SGK1: variants seen among roughly 807,000 people sequenced by gnomAD.
SGK1 encodes serine/threonine-protein kinase Sgk1.
Under a neutral mutation model 64.2 loss-of-function variants are expected in SGK1, and 26 were observed. The observed-to-expected ratio is 0.40, with a 90% confidence interval of 0.30 to 0.56. The LOEUF is 0.56. Ranked by LOEUF, SGK1 falls within the 20% of genes least tolerant of loss-of-function variation. The pLI is 0.38. For missense variants in SGK1, 519 were observed against 645.6 expected, an observed-to-expected ratio of 0.80 and a Z score of 2.12; for synonymous variants, 265 against 239.7, an observed-to-expected ratio of 1.11 and a Z score of -0.98.
chr6:134,273,673 A>G (rs1477732620), intron 1 of SGK1, among the ~76,000 whole-genome samples: 1 of 145,678 alleles, frequency 6.9e-6, no homozygotes, highest in Admixed American at 6.9e-5. Flanking sequence ...TATTTCTAGT[A>G]GAGGGGATGG....
At chr6:134,178,966 A>G (rs1035482131) in intron 3 of SGK1, among the ~76,000 whole-genome samples, 31 of 150,016 alleles carry the variant, frequency 2.1e-4, no homozygotes, top group African/African-American at 7.3e-4. Flanking sequence ...TTCAGAAAAA[A>G]TTTTTTCACT....
intron 1 of SGK1, among the ~76,000 whole-genome samples, chr6:134,306,876 G>A: frequency 7.3e-6 from 1 of 136,170 alleles, no homozygotes; most frequent in Non-Finnish European, 1.5e-5. Context: ...CTCAATTCAT[G>A]TTGGCTGTTG....
intron 1 of SGK1, among the ~76,000 whole-genome samples, chr6:134,307,844 T>C (rs148005821): frequency 9.2e-5 from 14 of 152,316 alleles, no homozygotes; most frequent in Non-Finnish European, 1.9e-4. Flanking sequence ...CACCAAGTAA[T>C]GATATCATAA....
chr6:134,201,283 A>G (rs974896727), intron 3 of SGK1, among the ~76,000 whole-genome samples: 10 of 151,978 alleles, frequency 6.6e-5, no homozygotes, highest in African/African-American at 2.4e-4. Flanking sequence ...GATGGTCTCC[A>G]TCTCCTGACC....
intron 3 of SGK1, chr6:134,177,710 C>G: frequency 6.2e-7 from 1 of 1,613,838 alleles, no homozygotes; most frequent in South Asian, 1.1e-5. Context: ...TCGGGTTGCC[C>G]AAGGATATGC....
intron 3 of SGK1, among the ~76,000 whole-genome samples, chr6:134,194,804 T>C (rs1334046236): frequency 6.6e-6 from 1 of 152,224 alleles, no homozygotes; most frequent in Non-Finnish European, 1.5e-5. Context: ...ATTACAGGCG[T>C]GAACCACTGC....
chr6:134,175,411 C>T (rs536173768), intron 3 of SGK1: 9 of 1,300,964 alleles, frequency 6.9e-6, no homozygotes, highest in Admixed American at 4.1e-5. Flanking sequence ...CGCGCGCGAC[C>T]TCGCCCGCCA....
chr6:134,302,213 C>T (rs1161289820), intron 1 of SGK1, among the ~76,000 whole-genome samples: 1 of 152,162 alleles, frequency 6.6e-6, no homozygotes, highest in Non-Finnish European at 1.5e-5. Flanking sequence ...ACTAATTATA[C>T]ATTGGACATA....
chr6:134,283,219 G>C (rs7768333), intron 1 of SGK1: 2 of 151,618 alleles, frequency 1.3e-5, no homozygotes, highest in Non-Finnish European at 2.9e-5. Flanking sequence ...GGCTGGGTGC[G>C]GTGGCTCACA....
intron 1 of SGK1, among the ~76,000 whole-genome samples, chr6:134,289,714 C>G (rs559968992): frequency 6.6e-6 from 1 of 152,074 alleles, no homozygotes; most frequent in Non-Finnish European, 1.5e-5. Context: ...TAGCTGGTGG[C>G]TACCACATCA....
chr6:134,215,973 G>A (rs573645640), intron 2 of SGK1, among the ~76,000 whole-genome samples: 4 of 152,122 alleles, frequency 2.6e-5, no homozygotes, highest in East Asian at 1.9e-4. Context: ...TTGAGATCGC[G>A]CCACTGCACT....
At chr6:134,189,225 T>TGTGC (rs755941031) in intron 3 of SGK1, among the ~76,000 whole-genome samples, 3 of 143,258 alleles carry the variant, frequency 2.1e-5, no homozygotes, top group African/African-American at 2.5e-5. Context: ...TGTGTGTGTG[T>TGTGC]GTGCGTGTGC....
intron 1 of SGK1, among the ~76,000 whole-genome samples, chr6:134,284,643 C>T (rs1037047763): frequency 1.3e-5 from 2 of 151,994 alleles, no homozygotes; most frequent in African/African-American, 2.4e-5. Flanking sequence ...CACCACTACA[C>T]CTAGTTAATT....
chr6:134,174,830 G>T, intron 3 of SGK1: 1 of 1,613,862 alleles, frequency 6.2e-7, no homozygotes, highest in South Asian at 1.1e-5. Context: ...GAGACAGAAA[G>T]ACGTTAGCGC....
At chr6:134,302,582 A>G (rs974761628) in intron 1 of SGK1, among the ~76,000 whole-genome samples, 2 of 152,136 alleles carry the variant, frequency 1.3e-5, no homozygotes, top group Non-Finnish European at 2.9e-5. Context: ...CACCACAACA[A>G]AACGTTCAGA....
intron 2 of SGK1, among the ~76,000 whole-genome samples, chr6:134,208,913 C>T (rs1775840005): frequency 8.6e-6 from 1 of 116,848 alleles, no homozygotes; most frequent in African/African-American, 2.6e-5. Context: ...TATATACACA[C>T]ACACGTGTTT....
At chr6:134,242,282 T>C (rs1191616333) in intron 2 of SGK1, among the ~76,000 whole-genome samples, 1 of 151,994 alleles carries the variant, frequency 6.6e-6, no homozygotes, top group East Asian at 2.0e-4. Context: ...GGTCAGGAGT[T>C]CGAGACCAGC....
Position 134,169,874 on chromosome 6 carries a change from G to A in SGK1, c.*394C>T, listed in dbSNP as rs2114624790. On this transcript the variant is annotated 3_prime_UTR_variant, in exon 14 of 14. Transcript: ENST00000367858. ...AATAAAGAACTGAAACACTGCGATA[G>A]GAAAAGCTTTGGAGCTAACACAATC... 1 of 156,236 alleles carries A rather than the reference G, an allele frequency of 6.4e-6. No individual in the cohort carries two copies. Among genetic ancestry groups the A allele is most frequent in the East Asian group, 1.9e-4 (1 of 5,372 alleles). The allele number at this position is 156,236 out of a possible 1,614,324, so 9.7% of individuals were successfully genotyped here. A position where few individuals can be genotyped will look rare whatever the true frequency, so the allele number is the denominator to read the frequency against.
intron 1 of SGK1, chr6:134,298,575 A>G: frequency 2.2e-6 from 2 of 891,702 alleles, no homozygotes; most frequent in Non-Finnish European, 3.7e-6. Flanking sequence ...GCTGCTGCCC[A>G]CTCAGGAGGA....
Sources: allele counts gnomAD v4.1 joint callset (sites outside exome capture counted in the v4.1 genomes callset), GRCh38; gene constraint gnomAD v4.1.1; transcripts MANE v1.5; gene names NCBI Gene and HGNC (gene_info 2026-07-23, HGNC 2026-07-21).